The following POLR1B variants were observed in gnomAD, a reference collection of about 807,000 sequenced individuals.
The protein encoded by POLR1B is RNA polymerase I subunit B.
Under a neutral mutation model 105.8 loss-of-function variants are expected in POLR1B, and 30 were observed. The ratio of observed to expected loss-of-function variants is 0.28; its 90% CI spans 0.21 to 0.38. The LOEUF (loss-of-function observed/expected upper bound fraction) is 0.38. Among genes scored for constraint, POLR1B ranks in the 10% least tolerant of loss-of-function variants. The probability of loss-of-function intolerance (pLI) is 1.00; values close to 1 mark genes in which losing one functional copy is unlikely to be tolerated. For synonymous variants in POLR1B, 485 were observed against 505.1 expected, an observed-to-expected ratio of 0.96 and a Z score of 0.53; for missense variants, 976 against 1,435.8, an observed-to-expected ratio of 0.68 and a Z score of 5.17.
rs1001022087 is a variant in POLR1B at position 112,579,317 on chromosome 2, G to A, written c.*3588G>A. Among the ~76,000 whole-genome samples the A allele has an allele frequency of 2.0e-5, 3 of 150,436 alleles. No homozygotes were observed. Among genetic ancestry groups the A allele is most frequent in the Non-Finnish European group, 4.4e-5 (3 of 67,854 alleles). Reference sequence around the variant, plus strand: ...CATAAGTTTCATTTCCCTGGGACAAGTGTTCAAGACTGGGATTGCTGGGTC... The same window carrying A: ...CATAAGTTTCATTTCCCTGGGACAAATGTTCAAGACTGGGATTGCTGGGTC... On this transcript the variant is annotated 3_prime_UTR_variant, in exon 15 of 15. Transcript: ENST00000263331.
At chr2:112,568,698 G>T in intron 11 of POLR1B, 48 bp from the exon 12 acceptor site, 1 of 1,590,644 alleles carries the variant, frequency 6.3e-7, no homozygotes, top group Admixed American at 1.7e-5. Flanking sequence ...AAGAGTAAAT[G>T]TGTAACCAGT....
Position 112,542,673 on chromosome 2 carries a change from T to C in POLR1B, c.177+2T>C. ...GAGGGTCTCGGCCTCGCGGTGCAGG[T>C]GAGCGCGGCGTCCGCCGGCGCCCTT... On this transcript the variant is annotated splice_donor_variant, in intron 1 of 14. Transcript: ENST00000263331. LOFTEE classifies it high-confidence loss of function. 1 of 1,611,472 alleles carries C rather than the reference T, an allele frequency of 6.2e-7. No homozygotes were observed. Among genetic ancestry groups the C allele is most frequent in the Non-Finnish European group, 8.5e-7 (1 of 1,178,692 alleles).
intron 6 of POLR1B, 23 bp from the exon 7 acceptor site, chr2:112,552,622 T>C: frequency 2.8e-6 from 2 of 721,198 alleles, no homozygotes; most frequent in South Asian, 2.6e-5. Context: ...GTTTTAAGCT[T>C]TTTTTTTTTT....
intron 1 of POLR1B, 106 bp from the exon 2 acceptor site, chr2:112,546,906 G>GGCATCACCATGTTTTCAAT: frequency 8.2e-7 from 1 of 1,226,030 alleles, no homozygotes; most frequent in African/African-American, 1.5e-5. Flanking sequence ...GTGTCATGGT[G>GGCATCACCATGTTTTCAAT]GCATCACAGG....
At position 112,573,498 on chromosome 2, in the gene POLR1B, AC is replaced by A. The variant is rs918836899; in HGVS notation, c.2272-62del. The A allele has an allele frequency of 1.9e-6, 3 of 1,542,340 alleles. No homozygotes were observed. In the African/African-American group the frequency reaches 4.1e-5, roughly 21 times the overall value. On this transcript the variant is annotated intron_variant, in intron 13 of 14. Coordinates refer to ENST00000263331, the MANE Select transcript of POLR1B (RefSeq NM_019014.6). ...ATCCTAAACCAAGTATGATAGTCCC[AC>A]CTAGTTTTATTTTGAAAATCCTCAA...
upstream of POLR1B, chr2:112,542,273 C>A: frequency 6.5e-7 from 1 of 1,533,662 alleles, no homozygotes; most frequent in South Asian, 1.2e-5. Flanking sequence ...CCGCCACGCT[C>A]TGGCTGGACA....
At chr2:112,549,465 A>G in intron 4 of POLR1B, 66 bp downstream of exon 4, 1 of 1,213,520 alleles carries the variant, frequency 8.2e-7, no homozygotes, top group Non-Finnish European at 1.1e-6. Flanking sequence ...TTTTTGAAGT[A>G]GATGCATCCA....
At chr2:112,542,857 G>A in intron 1 of POLR1B, 186 bp downstream of exon 1, 2 of 684,360 alleles carry the variant, frequency 2.9e-6, no homozygotes, top group Non-Finnish European at 4.8e-6. Flanking sequence ...GAGTCGAGGC[G>A]TCTTAAGAGA....
chr2:112,552,478 T>C (rs1265382847), intron 6 of POLR1B, among the ~76,000 whole-genome samples, 167 bp from the exon 7 acceptor site: 1 of 152,200 alleles, frequency 6.6e-6, no homozygotes, highest in East Asian at 1.9e-4. Context: ...TAGCCACCAG[T>C]CACATGATAA....
chr2:112,572,042 C>A (rs935579158), intron 12 of POLR1B, among the ~76,000 whole-genome samples: 3 of 152,122 alleles, frequency 2.0e-5, no homozygotes, highest in African/African-American at 7.2e-5. Context: ...ATTTTAAAAT[C>A]ATTTTGTCGT....
chr2:112,555,856 A>G (rs1019305598), intron 7 of POLR1B, among the ~76,000 whole-genome samples: 6 of 152,356 alleles, frequency 3.9e-5, no homozygotes, highest in Admixed American at 3.9e-4. Flanking sequence ...CCATGACATA[A>G]GATGAATTAT....
At chr2:112,544,503 AAAG>A (rs1682931514) in intron 1 of POLR1B, among the ~76,000 whole-genome samples, 2 of 152,338 alleles carry the variant, frequency 1.3e-5, no homozygotes, top group African/African-American at 4.8e-5. Context: ...CCAAAGCAAA[AAAG>A]AAGTTAGATG....
chr2:112,564,011 T>C (rs1283490021), intron 9 of POLR1B, among the ~76,000 whole-genome samples: 2 of 152,204 alleles, frequency 1.3e-5, no homozygotes, highest in Admixed American at 1.3e-4. Context: ...CTACTTCTAA[T>C]TCTAGTGGTC....
intron 9 of POLR1B, among the ~76,000 whole-genome samples, chr2:112,564,082 CA>C (rs35164717): frequency 0.26 from 39,039 of 151,866 alleles, 5,403 homozygotes; most frequent in African/African-American, 0.35. Context: ...AATCACAGAT[CA>C]CCATAACAGA....
chr2:112,573,100 T>C (rs1684674649), intron 13 of POLR1B, among the ~76,000 whole-genome samples: 1 of 152,220 alleles, frequency 6.6e-6, no homozygotes, highest in Non-Finnish European at 1.5e-5. Flanking sequence ...TTTGTTTGTT[T>C]GTTTTTTGTT....
chr2:112,562,154 A>G (rs970812177), intron 9 of POLR1B, among the ~76,000 whole-genome samples: 5 of 152,164 alleles, frequency 3.3e-5, no homozygotes, highest in Non-Finnish European at 7.3e-5. Context: ...CGGGGGACTC[A>G]AAGTTTTTTG....
chr2:112,549,362 A>G lies in POLR1B; in HGVS notation c.588A>G (p.Pro196=). ...RRNFPIAMIR[P]KWKTRGPGYT... Reference sequence around the variant, plus strand: ...ATTTTCCCATTGCAATGATAAGACCAAAATGGAAAACCAGAGGGCCTGGTT... The same window carrying G: ...ATTTTCCCATTGCAATGATAAGACCGAAATGGAAAACCAGAGGGCCTGGTT... Residue 196 remains proline, a synonymous_variant, in exon 4 of 15, where the codon CCA becomes CCG. Coordinates refer to ENST00000263331, the MANE Select transcript of POLR1B (RefSeq NM_019014.6). 1 of 1,613,766 alleles carries G rather than the reference A, an allele frequency of 6.2e-7. No homozygotes were observed. Among genetic ancestry groups the G allele is most frequent in the Non-Finnish European group, 8.5e-7 (1 of 1,179,722 alleles).
At position 112,575,510 on chromosome 2, in the gene POLR1B, T is replaced by C. The variant is rs377084268; in HGVS notation, c.3189T>C (p.Asp1063=). ...LLHDRLFNCS[D]RSVAHVCVKC... The stretch of plus-strand genomic sequence containing the variant: ...ATGACCGCCTCTTCAACTGCTCAGA[T>C]CGGTCGGTAGCCCATGTGTGTGTGA... Residue 1063 remains aspartate, a synonymous_variant, in exon 15 of 15, where the codon GAT becomes GAC. Transcript: ENST00000263331. This position sits in a 1 kb window ranked among gnomAD's most constrained non-coding sequence, Gnocchi z 5.3. The C allele has an allele frequency of 1.9e-6, 3 of 1,614,058 alleles. No individual in the cohort carries two copies. The highest frequency in any genetic ancestry group is 2.5e-6 in the Non-Finnish European group (3 of 1,180,042).
At chr2:112,558,917 C>CTTTT (rs34385497) in intron 8 of POLR1B, among the ~76,000 whole-genome samples, 1 of 141,632 alleles carries the variant, frequency 7.1e-6, no homozygotes, top group Non-Finnish European at 1.5e-5. Context: ...TGTGCCCCGC[C>CTTTT]TTTTTTTTTT....
Sources: allele counts gnomAD v4.1 joint callset (sites outside exome capture counted in the v4.1 genomes callset), GRCh38; gene constraint gnomAD v4.1.1; non-coding constraint Gnocchi (gnomAD v3.1); transcripts MANE v1.5; gene names NCBI Gene and HGNC (gene_info 2026-07-23, HGNC 2026-07-21).